Variants in STARD13 observed in about 807,000 individuals in gnomAD.
STARD13 encodes stAR-related lipid transfer protein 13.
A neutral mutation model predicts 106.4 loss-of-function variants in STARD13; 62 were observed. That is an observed-to-expected ratio of 0.58 (90% confidence interval 0.48 to 0.72). The LOEUF is 0.72. Among genes scored for constraint, STARD13 ranks in the 30% least tolerant of loss-of-function variants. The pLI is 0.00. For synonymous variants in STARD13, 565 were observed against 553.0 expected, an observed-to-expected ratio of 1.02 and a Z score of -0.31; for missense variants, 1,387 against 1,424.0, an observed-to-expected ratio of 0.97 and a Z score of 0.42.
At chr13:33,123,736 A>G (rs963023038) in intron 7 of STARD13, among the ~76,000 whole-genome samples, 1 of 152,214 alleles carries the variant, frequency 6.6e-6, no homozygotes, top group African/African-American at 2.4e-5. Flanking sequence ...GGAGTGTGGA[A>G]GACAAAAGGC....
the STARD13 span, among the ~76,000 whole-genome samples, chr13:33,639,805 A>T: frequency 5.3e-5 from 8 of 152,102 alleles, no homozygotes; most frequent in African/African-American, 1.9e-4. Flanking sequence ...TCTGTACATC[A>T]CTTTCCTTTT....
chr13:33,370,705 G>A, the STARD13 span, among the ~76,000 whole-genome samples: 19 of 144,806 alleles, frequency 1.3e-4, no homozygotes, highest in African/African-American at 2.9e-4. Context: ...TGCAACCTCC[G>A]CCTCCCAGGT....
At chr13:33,528,260 A>ATATATG in the STARD13 span, among the ~76,000 whole-genome samples, 6 of 127,256 alleles carry the variant, frequency 4.7e-5, no homozygotes, top group East Asian at 2.1e-4. Context: ...ATATATACAT[A>ATATATG]TATATATATA....
At chr13:33,164,753 TATCCATATATAC>T (rs1883126437) in intron 3 of STARD13, among the ~76,000 whole-genome samples, 1 of 152,234 alleles carries the variant, frequency 6.6e-6, no homozygotes, top group East Asian at 1.9e-4. Flanking sequence ...GGGAAGAAAT[TATCCATATATAC>T]ATCTTTGTCT....
At chr13:33,240,805 A>G (rs564146585) in intron 1 of STARD13, among the ~76,000 whole-genome samples, 4 of 152,044 alleles carry the variant, frequency 2.6e-5, no homozygotes, top group African/African-American at 9.6e-5. Flanking sequence ...ATCCTTAAGT[A>G]TCCTTATTTC....
Position 33,302,946 on chromosome 13 carries a change from C to A in STARD13, c.124+47344G>T, listed in dbSNP as rs139518567. ...AAGGACAATGTCCAGATTCTTCAGTCTGGCATTAAAGGCCCATCATGGTAG... is the reference window on the plus strand; with the variant it reads ...AAGGACAATGTCCAGATTCTTCAGTATGGCATTAAAGGCCCATCATGGTAG... On this transcript the variant is annotated intron_variant, in intron 1 of 5. Coordinates refer to the STARD13 transcript ENST00000567873. Among the ~76,000 whole-genome samples the A allele has an allele frequency of 4.3e-3, 659 of 152,326 alleles. 6 individuals carry two copies. Among genetic ancestry groups the A allele is most frequent in the African/African-American group, 0.015 (612 of 41,582 alleles).
the STARD13 span, among the ~76,000 whole-genome samples, chr13:33,477,997 T>C: frequency 6.6e-6 from 1 of 152,330 alleles, no homozygotes; most frequent in South Asian, 2.1e-4. Flanking sequence ...TCATGACTCA[T>C]GACTGCTTCC....
the STARD13 span, among the ~76,000 whole-genome samples, chr13:33,564,969 G>T: frequency 7.2e-6 from 1 of 139,678 alleles, no homozygotes; most frequent in Non-Finnish European, 1.6e-5. Context: ...GTCCAGTCTG[G>T]GTAACAGAGA....
the STARD13 span, among the ~76,000 whole-genome samples, chr13:33,675,080 T>C: frequency 7.9e-5 from 12 of 152,328 alleles, no homozygotes; most frequent in African/African-American, 2.4e-4. Context: ...CTTAGGAACC[T>C]TCACCTTTCG....
At chr13:33,140,663 T>C (rs906377055) in intron 4 of STARD13, among the ~76,000 whole-genome samples, 2 of 152,220 alleles carry the variant, frequency 1.3e-5, no homozygotes, top group African/African-American at 4.8e-5. Context: ...GAAATTCAGA[T>C]TAAAGTTATT....
intron 8 of STARD13, among the ~76,000 whole-genome samples, chr13:33,114,351 C>T (rs567123674): frequency 2.4e-4 from 36 of 152,172 alleles, no homozygotes; most frequent in African/African-American, 7.2e-4. Context: ...GGAGGCATGA[C>T]GTCACATGCC....
At chr13:33,456,174 G>C in the STARD13 span, among the ~76,000 whole-genome samples, 4 of 151,938 alleles carry the variant, frequency 2.6e-5, no homozygotes, top group South Asian at 4.2e-4. Flanking sequence ...TGGCTTAAAC[G>C]ACAGAATTTT....
At chr13:33,205,806 A>G in intron 1 of STARD13, 3 of 974,826 alleles carry the variant, frequency 3.1e-6, no homozygotes, top group Non-Finnish European at 2.4e-6. Context: ...TTTTCTATGG[A>G]ACACAAACTT....
chr13:33,462,715 CG>C, the STARD13 span, among the ~76,000 whole-genome samples: 1 of 152,122 alleles, frequency 6.6e-6, no homozygotes. Flanking sequence ...AAGATGAAGG[CG>C]GGAAGACTCA....
chr13:33,390,528 T>A, the STARD13 span, among the ~76,000 whole-genome samples: 8 of 152,172 alleles, frequency 5.3e-5, no homozygotes, highest in Non-Finnish European at 1.2e-4. Context: ...AACCTCTTCA[T>A]AAATTTGTAT....
intron 1 of STARD13, among the ~76,000 whole-genome samples, chr13:33,190,241 A>G (rs1354146799): frequency 1.3e-5 from 2 of 152,146 alleles, no homozygotes; most frequent in East Asian, 3.9e-4. Context: ...CCAGGAGTTC[A>G]AGAACACAAT....
At chr13:33,655,204 T>C in the STARD13 span, among the ~76,000 whole-genome samples, 1 of 152,392 alleles carries the variant, frequency 6.6e-6, no homozygotes, top group South Asian at 2.1e-4. Flanking sequence ...TGTTACTCTT[T>C]AGTGGATGGG....
At chr13:33,316,521 T>A (rs745902355) in intron 1 of STARD13, among the ~76,000 whole-genome samples, 2 of 152,206 alleles carry the variant, frequency 1.3e-5, no homozygotes, top group African/African-American at 4.8e-5. Flanking sequence ...GGCAATGTTG[T>A]GTGATTGGTA....
At chr13:33,499,350 A>G in the STARD13 span, among the ~76,000 whole-genome samples, 2 of 152,174 alleles carry the variant, frequency 1.3e-5, no homozygotes, top group African/African-American at 4.8e-5. Context: ...TTTATTTCTT[A>G]TAGTTTCAGA....
Sources: gnomAD v4.1 joint callset for allele counts (sites outside exome capture counted in the v4.1 genomes callset) on GRCh38, gnomAD v4.1.1 for gene constraint, MANE v1.5 for transcripts, NCBI Gene and HGNC (gene_info 2026-07-23, HGNC 2026-07-21) for gene names.